Variants in ACAP2 observed in about 807,000 individuals in gnomAD.
ACAP2 encodes arf-GAP with coiled-coil, ANK repeat and PH domain-containing protein 2.
In ACAP2, 39 loss-of-function variants were observed where a neutral mutation model predicts 115.8. That is an observed-to-expected ratio of 0.34 (90% confidence interval 0.26 to 0.44). ACAP2 has a LOEUF of 0.44. Ranked by LOEUF, ACAP2 falls within the 20% of genes least tolerant of loss-of-function variation. ACAP2 has a pLI of 1.00. For synonymous variants in ACAP2, 289 were observed against 315.8 expected, an observed-to-expected ratio of 0.92 and a Z score of 0.90; for missense variants, 662 against 927.6, an observed-to-expected ratio of 0.71 and a Z score of 3.72.
intron 1 of ACAP2, among the ~76,000 whole-genome samples, chr3:195,408,799 G>T (rs1399437964): frequency 6.6e-6 from 1 of 151,962 alleles, no homozygotes; most frequent in African/African-American, 2.4e-5. Context: ...TTCAACATAT[G>T]AAGAAAAAAC....
chr3:195,351,117 C>CT (rs1160492256), intron 4 of ACAP2, among the ~76,000 whole-genome samples: 133 of 107,284 alleles, frequency 1.2e-3, no homozygotes, highest in Admixed American at 5.5e-3. Flanking sequence ...AAGATAAATC[C>CT]TTTTTTTTTT....
rs1406141778 is a variant in ACAP2 at position 195,278,262 on chromosome 3, T to C, written c.*1066A>G. On this transcript the variant is annotated 3_prime_UTR_variant, in exon 23 of 23. Coordinates refer to ENST00000326793, the MANE Select transcript of ACAP2 (RefSeq NM_012287.6). ...ATATACACGATATAATTTAAAAGAA[T>C]GTACACTGTGTACAAGTACACAAAA... 1.3e-5 allele frequency: 2 copies of C among 152,126 alleles called. No individual in the cohort carries two copies. Among genetic ancestry groups the C allele is most frequent in the Non-Finnish European group, 2.9e-5 (2 of 68,024 alleles). 9.4% of individuals were successfully genotyped at this position (152,126 alleles called of 1,614,324 possible).
intron 1 of ACAP2, among the ~76,000 whole-genome samples, chr3:195,425,025 T>TAAAAAA (rs1714569564): frequency 1.8e-4 from 4 of 22,158 alleles, no homozygotes; most frequent in Non-Finnish European, 3.0e-4. Context: ...AGACTCCGTC[T>TAAAAAA]CAAAAAAAAA....
intron 18 of ACAP2, among the ~76,000 whole-genome samples, chr3:195,294,518 C>A (rs1353161073): frequency 6.9e-6 from 1 of 144,514 alleles, no homozygotes; most frequent in Non-Finnish European, 1.5e-5. Context: ...GCGGAGGTTG[C>A]AGTGAGCCAA....
Position 195,302,154 on chromosome 3 carries a change from A to C in ACAP2, c.1137T>G (p.Ser379=). ...DESEKLDKKS[S]PSTGSLDSGN... The stretch of plus-strand genomic sequence containing the variant: ...CAGAATCTAGGCTTCCTGTGGATGG[A>C]GATGATTTCTTATCCAGCTTCTAAA... Residue 379 remains serine (S), a synonymous_variant, in exon 14 of 23, where the codon TCT becomes TCG. Coordinates refer to ENST00000326793, the MANE Select transcript of ACAP2 (RefSeq NM_012287.6). 1 of 1,613,044 alleles carries C rather than the reference A, an allele frequency of 6.2e-7. No homozygotes were observed. Among genetic ancestry groups the C allele is most frequent in the East Asian group, 2.2e-5 (1 of 44,872 alleles).
At position 195,320,798 on chromosome 3, in the gene ACAP2, C is replaced by T. The variant is rs1201050143; in HGVS notation, c.760G>A (p.Asp254Asn). The T allele has an allele frequency of 3.1e-6, 5 of 1,611,894 alleles. No individual in the cohort carries two copies. The Admixed American group carries it at 8.3e-5, about 27-fold the overall frequency. ...TIQQKDFSSD[D>N]SKLEYNVDAA... ...TCTACGTTATATTCTAACTTAGAAT[C>T]ATCACTGGAGAAATCCTACACAAAA... is the stretch of plus-strand genomic sequence containing the variant. Residue 254 changes from aspartate (D) to asparagine (N), a missense_variant, in exon 10 of 23, where the codon GAT (aspartate) becomes AAT (asparagine). This residue lies in a region of ACAP2 where 401 missense variants were observed against 604.4 expected (regional missense o/e 0.66). Coordinates refer to ENST00000326793, the MANE Select transcript of ACAP2 (RefSeq NM_012287.6).
At chr3:195,310,787 C>T (rs937175315) in intron 10 of ACAP2, among the ~76,000 whole-genome samples, 3 of 152,116 alleles carry the variant, frequency 2.0e-5, no homozygotes, top group African/African-American at 4.8e-5. Flanking sequence ...CCTCTGCCAT[C>T]GATCTGCTTC....
chr3:195,332,358 G>A (rs1730228697), intron 8 of ACAP2, among the ~76,000 whole-genome samples: 1 of 151,884 alleles, frequency 6.6e-6, no homozygotes. Context: ...TTAAATATAA[G>A]TCCAGTTATG....
chr3:195,309,545 CAAAAA>C (rs199627783), intron 10 of ACAP2, among the ~76,000 whole-genome samples: 3,259 of 106,560 alleles, frequency 0.031, 114 homozygotes, highest in East Asian at 0.13. Context: ...GACTCCGTCT[CAAAAA>C]AAAAAAAAAA....
intron 1 of ACAP2, among the ~76,000 whole-genome samples, chr3:195,439,482 A>G (rs931784883): frequency 2.6e-5 from 4 of 152,074 alleles, no homozygotes; most frequent in Admixed American, 6.6e-5. Flanking sequence ...CCTGGCCACA[A>G]TATTTTTATA....
intron 4 of ACAP2, among the ~76,000 whole-genome samples, chr3:195,354,900 A>C (rs1731851693): frequency 6.6e-6 from 1 of 152,204 alleles, no homozygotes; most frequent in Non-Finnish European, 1.5e-5. Context: ...GTCTCACTCC[A>C]TCACGCAGGC....
chr3:195,437,443 C>T (rs949152046), intron 1 of ACAP2, among the ~76,000 whole-genome samples: 2 of 152,192 alleles, frequency 1.3e-5, no homozygotes, highest in African/African-American at 4.8e-5. Flanking sequence ...AAGTCAATTA[C>T]TAGCAAAAGA....
At chr3:195,329,938 A>G (rs959680257) in intron 8 of ACAP2, among the ~76,000 whole-genome samples, 4 of 151,988 alleles carry the variant, frequency 2.6e-5, no homozygotes, top group African/African-American at 9.7e-5. Context: ...TTTTTACTCA[A>G]TACCAGTGGA....
intron 4 of ACAP2, among the ~76,000 whole-genome samples, chr3:195,374,916 G>C (rs1353491122): frequency 1.3e-5 from 2 of 151,922 alleles, no homozygotes; most frequent in Non-Finnish European, 2.9e-5. Flanking sequence ...TCTGGACCAT[G>C]CGTACTGGCT....
chr3:195,323,962 C>T (rs1364817877), intron 9 of ACAP2, among the ~76,000 whole-genome samples: 2 of 151,994 alleles, frequency 1.3e-5, no homozygotes, highest in African/African-American at 4.8e-5. Context: ...GATGGATACC[C>T]CGTTTTCCAT....
intron 2 of ACAP2, 126 bp from the exon 3 acceptor site, chr3:195,382,148 A>G (rs1027603979): frequency 1.2e-6 from 1 of 821,560 alleles, no homozygotes; most frequent in African/African-American, 1.8e-5. Context: ...GATAAACTCA[A>G]AACAGACTAA....
intron 1 of ACAP2, among the ~76,000 whole-genome samples, chr3:195,408,879 T>C (rs894362541): frequency 1.3e-5 from 2 of 152,032 alleles, no homozygotes; most frequent in African/African-American, 4.8e-5. Flanking sequence ...TGCATAAAAA[T>C]CATACTGACA....
intron 13 of ACAP2, among the ~76,000 whole-genome samples, chr3:195,303,561 T>C (rs1248372593): frequency 6.6e-6 from 1 of 152,078 alleles, no homozygotes; most frequent in Non-Finnish European, 1.5e-5. Flanking sequence ...TACTCCAGCC[T>C]GGGTGACAGA....
At chr3:195,351,485 T>TGTGTGA (rs1491392616) in intron 4 of ACAP2, among the ~76,000 whole-genome samples, 3 of 128,366 alleles carry the variant, frequency 2.3e-5, no homozygotes, top group Admixed American at 8.4e-5. Context: ...TGTGTGTGTG[T>TGTGTGA]GACGGAGTCT....
Sources: allele counts gnomAD v4.1 joint callset (sites outside exome capture counted in the v4.1 genomes callset), GRCh38; gene constraint gnomAD v4.1.1; regional missense constraint gnomAD v4.1.1; transcripts MANE v1.5; gene names NCBI Gene and HGNC (gene_info 2026-07-23, HGNC 2026-07-21).